Variants in PHACTR2 observed in about 807,000 individuals in gnomAD.
PHACTR2 encodes the protein chromosome 6 open reading frame 56.
A neutral mutation model predicts 76.0 loss-of-function variants in PHACTR2; 30 were observed. The ratio of observed to expected loss-of-function variants is 0.39; its 90% CI spans 0.30 to 0.54. PHACTR2 has a LOEUF of 0.54. PHACTR2 is among the 20% of genes least tolerant of loss of function. The pLI, the probability that PHACTR2 is intolerant of heterozygous loss-of-function variation, is 0.61. For missense variants in PHACTR2, 696 were observed against 781.1 expected (o/e 0.89, Z 1.30); for synonymous variants, 292 against 292.5 (o/e 1.00, Z 0.02).
rs970421138 is a variant in PHACTR2, at chr6:143,700,053, A to T, written c.47-11963A>T. ...CAGATACCGGCCTTGGGGACCCTGT[A>T]TGACTGCCAGGAGGCTCTTGGACAT... On this transcript the variant is annotated intron_variant, in intron 1 of 12. Coordinates refer to ENST00000440869, the MANE Select transcript of PHACTR2 (RefSeq NM_001100164.2). The surrounding 1 kb of genome is among the most constrained non-coding windows in gnomAD (Gnocchi z 4.1). 4.6e-5 allele frequency among the ~76,000 whole-genome samples: 7 copies of T among 152,178 alleles called. No homozygotes were observed. Among genetic ancestry groups the T allele is most frequent in the Non-Finnish European group, 8.8e-5 (6 of 68,022 alleles).
At position 143,664,315 on chromosome 6, in the gene PHACTR2, T is replaced by G. The variant is rs1019438083; in HGVS notation, c.14-47701T>G. ...GGGTGTGTCTTCTAAAAATGACAGA[T>G]AAAGAAAGAGATGTACTATGTTTCT... On this transcript the variant is annotated intron_variant, in intron 1 of 11. Transcript: ENST00000305766. The surrounding 1 kb of genome is among the most constrained non-coding windows in gnomAD (Gnocchi z 5.1). 2.6e-5 allele frequency among the ~76,000 whole-genome samples: 4 copies of G among 152,168 alleles called. No homozygotes were observed. Among genetic ancestry groups the G allele is most frequent in the African/African-American group, 7.2e-5 (3 of 41,450 alleles).
intron 1 of PHACTR2, among the ~76,000 whole-genome samples, chr6:143,545,716 A>G (rs1365663963): frequency 6.6e-6 from 1 of 152,186 alleles, no homozygotes; most frequent in African/African-American, 2.4e-5. Context: ...GTACATATCT[A>G]TCACCCCTCA....
intron 1 of PHACTR2, among the ~76,000 whole-genome samples, chr6:143,626,536 C>CAAAAAAAA (rs35107482): frequency 1.6e-4 from 19 of 122,302 alleles, no homozygotes; most frequent in Non-Finnish European, 2.0e-4. Context: ...GACTCCGTCT[C>CAAAAAAAA]AAAAAAAAAA....
intron 1 of PHACTR2, among the ~76,000 whole-genome samples, chr6:143,626,015 CCTT>C (rs1439739352): frequency 3.3e-5 from 5 of 152,172 alleles, no homozygotes; most frequent in African/African-American, 9.7e-5. Flanking sequence ...CTTTGTAAAA[CCTT>C]CTTTGATCAG....
chr6:143,766,787 CTATAAA>C (rs902943332), intron 6 of PHACTR2, among the ~76,000 whole-genome samples: 6 of 152,170 alleles, frequency 3.9e-5, no homozygotes, highest in African/African-American at 1.4e-4. Context: ...TCACAAAGTC[CTATAAA>C]TATTCTACTT....
chr6:143,680,175 C>T lies in PHACTR2; in HGVS notation c.46+1966C>T, dbSNP rs1044364299. Among the ~76,000 whole-genome samples the T allele has an allele frequency of 7.9e-5, 12 of 151,862 alleles. No individual in the cohort carries two copies. The highest frequency in any genetic ancestry group is 2.6e-4 in the Admixed American group (4 of 15,256). ...AAAAAAAAAAATTTAAATTAAATAA[C>T]GTTTGCTGAGTTTTATATTCATGTC... On this transcript the variant is annotated intron_variant, in intron 1 of 12. Transcript: ENST00000440869. This position sits in a 1 kb window ranked among gnomAD's most constrained non-coding sequence, Gnocchi z 4.5.
chr6:143,756,845 C>T (rs940622769), intron 4 of PHACTR2, among the ~76,000 whole-genome samples: 1 of 152,132 alleles, frequency 6.6e-6, no homozygotes, highest in Non-Finnish European at 1.5e-5. Flanking sequence ...GTCAGGAGTT[C>T]GATACCAGCC....
At position 143,714,065 on chromosome 6, in the gene PHACTR2, A is replaced by T. The variant is rs539307636; in HGVS notation, c.214+1882A>T. Reference sequence around the variant, plus strand: ...CTTTTAGTGGCAAAAAACCGCAATTACTTTTGCACAAAACTAATATTTGGA... The same window carrying T: ...CTTTTAGTGGCAAAAAACCGCAATTTCTTTTGCACAAAACTAATATTTGGA... On this transcript the variant is annotated intron_variant, in intron 2 of 12. Coordinates refer to ENST00000440869, the MANE Select transcript of PHACTR2 (RefSeq NM_001100164.2). 3.3e-5 allele frequency among the ~76,000 whole-genome samples: 5 copies of T among 152,288 alleles called. No individual in the cohort carries two copies. The South Asian group carries it at 1.0e-3, about 32-fold the overall frequency.
At chr6:143,763,113 C>T (rs1039324644) in intron 5 of PHACTR2, among the ~76,000 whole-genome samples, 7 of 152,114 alleles carry the variant, frequency 4.6e-5, no homozygotes, top group African/African-American at 1.7e-4. Flanking sequence ...AATCCCAGCA[C>T]TTTGGGAGGC....
Position 143,828,531 on chromosome 6 carries a change from A to G in PHACTR2, c.*4842A>G, listed in dbSNP as rs570515271. On this transcript the variant is annotated 3_prime_UTR_variant, in exon 13 of 13. Coordinates refer to ENST00000440869, the MANE Select transcript of PHACTR2 (RefSeq NM_001100164.2). The surrounding 1 kb of genome is among the most constrained non-coding windows in gnomAD (Gnocchi z 4.7). Reference sequence around the variant, plus strand: ...CCCAAATTTAAAAATCCTATTGTATATGTTGTAAAATTTCTGGCAAAGAAA... The same window carrying G: ...CCCAAATTTAAAAATCCTATTGTATGTGTTGTAAAATTTCTGGCAAAGAAA... The G allele has an allele frequency of 2.0e-5, 3 of 152,312 alleles. No individual in the cohort carries two copies. In the East Asian group the frequency reaches 5.8e-4, roughly 29 times the overall value. The allele number at this position is 152,312 out of a possible 1,614,324, so 9.4% of individuals were successfully genotyped here.
rs1350889500 is a variant in PHACTR2, at chr6:143,821,307, G to A, written c.1923-2367G>A. Among the ~76,000 whole-genome samples the A allele has an allele frequency of 6.6e-6, 1 of 152,232 alleles. No homozygotes were observed. Among genetic ancestry groups the A allele is most frequent in the East Asian group, 1.9e-4 (1 of 5,202 alleles). ...CTTTTGACTTTTGTCAAACACAGAA[G>A]TAATATAAGTCCCTCGTATCCAACT... is the stretch of plus-strand genomic sequence containing the variant. On this transcript the variant is annotated intron_variant, in intron 12 of 12. Coordinates refer to ENST00000440869, the MANE Select transcript of PHACTR2 (RefSeq NM_001100164.2). The surrounding 1 kb of genome is among the most constrained non-coding windows in gnomAD (Gnocchi z 5.2).
Position 143,809,288 on chromosome 6 carries a change from A to G in PHACTR2, c.1922+2155A>G, listed in dbSNP as rs914442893. ...TTCTTTCTGTTCTGTTGTACTCTATATGAAGAAGCACAATAAAATTGGAGT... is the reference window on the plus strand; with the variant it reads ...TTCTTTCTGTTCTGTTGTACTCTATGTGAAGAAGCACAATAAAATTGGAGT... On this transcript the variant is annotated intron_variant, in intron 12 of 12. Transcript: ENST00000440869. This position sits in a 1 kb window ranked among gnomAD's most constrained non-coding sequence, Gnocchi z 4.2. 9.2e-5 allele frequency among the ~76,000 whole-genome samples: 14 copies of G among 152,358 alleles called. No homozygotes were observed. The highest frequency in any genetic ancestry group is 1.8e-4 in the Non-Finnish European group (12 of 68,032).
In PHACTR2 at chr6:143,739,168, C is replaced by T. The variant is rs1778885719; in HGVS notation, c.215-9817C>T. On this transcript the variant is annotated intron_variant, in intron 2 of 12. Transcript: ENST00000440869. This position sits in a 1 kb window ranked among gnomAD's most constrained non-coding sequence, Gnocchi z 4.3. ...CAAGCTCCGCCTCCCGGGTTCACTC[C>T]GTTCTCCTGCCTCAGCCTCCCAAGT... Among the ~76,000 whole-genome samples, 1 of 152,156 alleles carries T rather than the reference C, an allele frequency of 6.6e-6. No individual in the cohort carries two copies. The highest frequency in any genetic ancestry group is 2.4e-5 in the African/African-American group (1 of 41,434).
chr6:143,770,119 GGATA>G (rs1331724483), intron 6 of PHACTR2, among the ~76,000 whole-genome samples: 72 of 152,216 alleles, frequency 4.7e-4, no homozygotes, highest in African/African-American at 1.7e-3. Flanking sequence ...ATTGGTGAAT[GGATA>G]AACAAAATGT....
Position 143,672,904 on chromosome 6 carries a change from T to C in PHACTR2, c.14-39112T>C, listed in dbSNP as rs541693373. 1.8e-3 allele frequency among the ~76,000 whole-genome samples: 268 copies of C among 152,128 alleles called. No homozygotes were observed. Among genetic ancestry groups the C allele is most frequent in the Non-Finnish European group, 2.8e-3 (189 of 67,964 alleles). ...CACGCCTGGCTAATTTTTGTATTTT[T>C]AGTAGAGACAGGGTTTCACCATGTT... On this transcript the variant is annotated intron_variant, in intron 1 of 11. Transcript: ENST00000305766. This position sits in a 1 kb window ranked among gnomAD's most constrained non-coding sequence, Gnocchi z 5.8.
At position 143,578,753 on chromosome 6, in the gene PHACTR2, C is replaced by G. The variant is rs1478561643; in HGVS notation, c.217+41546C>G. Among the ~76,000 whole-genome samples, 1 of 151,732 alleles carries G rather than the reference C, an allele frequency of 6.6e-6. No homozygotes were observed. The highest frequency in any genetic ancestry group is 1.5e-5 in the Non-Finnish European group (1 of 67,972). On this transcript the variant is annotated intron_variant, in intron 1 of 11. Transcript: ENST00000367584. This position sits in a 1 kb window ranked among gnomAD's most constrained non-coding sequence, Gnocchi z 4.5. ...TAGATGATGAAGAAGATGAAGAAGA[C>G]CTTGGTGAAGAAGAAAGGAGTCAGA...
chr6:143,648,751 C>CGTGTGTGTGTCTCT lies in PHACTR2; in HGVS notation c.13+40440_13+40453dup, dbSNP rs1396932135. Among the ~76,000 whole-genome samples, 1 of 151,758 alleles carries CGTGTGTGTGTCTCT rather than the reference C, an allele frequency of 6.6e-6. No homozygotes were observed. Among genetic ancestry groups the CGTGTGTGTGTCTCT allele is most frequent in the Non-Finnish European group, 1.5e-5 (1 of 67,900 alleles). On this transcript the variant is annotated intron_variant, in intron 1 of 11. Coordinates refer to the PHACTR2 transcript ENST00000305766. This position sits in a 1 kb window ranked among gnomAD's most constrained non-coding sequence, Gnocchi z 6.7. ...CTGCTTCTCCTCCCCAGGATGTGCA[C>CGTGTGTGTGTCTCT]GTGTGTGTGTCTCTGTGTGTGTGTG...
rs1056964661 is a variant in PHACTR2, at chr6:143,822,755, T to G, written c.1923-919T>G. ...AAGAGCTTGATCACTTAAGGCTTTA[T>G]GGAGAAGATAACTTTTGACCTTGAT... On this transcript the variant is annotated intron_variant, in intron 12 of 12. Transcript: ENST00000440869. The surrounding 1 kb of genome is among the most constrained non-coding windows in gnomAD (Gnocchi z 5.5). Among the ~76,000 whole-genome samples, 5 of 152,182 alleles carry G rather than the reference T, an allele frequency of 3.3e-5. No individual in the cohort carries two copies. The highest frequency in any genetic ancestry group is 7.3e-5 in the Non-Finnish European group (5 of 68,034).
upstream of PHACTR2, among the ~76,000 whole-genome samples, chr6:143,675,350 T>C (rs1777222975): frequency 6.6e-6 from 1 of 152,140 alleles, no homozygotes; most frequent in East Asian, 1.9e-4. This position sits in a 1 kb window ranked among gnomAD's most constrained non-coding sequence, Gnocchi z 4.9. Flanking sequence ...TGATGCGGCA[T>C]TATTATAACA....
Sources: allele counts gnomAD v4.1 joint callset (sites outside exome capture counted in the v4.1 genomes callset), GRCh38; gene constraint gnomAD v4.1.1; non-coding constraint Gnocchi (gnomAD v3.1); transcripts MANE v1.5; gene names NCBI Gene and HGNC (gene_info 2026-07-23, HGNC 2026-07-21).